The following DMD variants were observed in gnomAD, a reference collection of about 807,000 sequenced individuals.
DMD encodes mutant dystrophin.
DMD carries 63 observed loss-of-function variants against 330.1 expected under a neutral mutation model. That is an observed-to-expected ratio of 0.19 (90% confidence interval 0.16 to 0.24). The LOEUF is 0.24. DMD is among the 10% of genes least tolerant of loss of function. The pLI, the probability that DMD is intolerant of heterozygous loss-of-function variation, is 1.00. For synonymous variants in DMD, 1,223 were observed against 959.8 expected (o/e 1.27, Z -5.07); for missense variants, 3,344 against 2,684.1 (o/e 1.25, Z -5.43).
At chrX:32,649,558 TTA>T (rs1491423362) in intron 9 of DMD, among the ~76,000 whole-genome samples, 36 of 74,509 alleles carry the variant, frequency 4.8e-4, no homozygotes, top group African/African-American at 3.2e-3. Flanking sequence ...TCCGTCTCTT[TTA>T]AAAAAAAAAA....
intron 18 of DMD, among the ~76,000 whole-genome samples, chrX:32,511,028 C>A (rs185692639): frequency 2.1e-3 from 233 of 109,153 alleles, no homozygotes; most frequent in Middle Eastern, 4.7e-3. Context: ...TGTATATATA[C>A]CCCTTTCCCA....
chrX:31,180,587 C>T, intron 68 of DMD, 106 bp from the exon 69 acceptor site: 1 of 600,426 alleles, frequency 1.7e-6, no homozygotes, highest in Non-Finnish European at 2.8e-6. Flanking sequence ...AAACAGAAAG[C>T]AATGTTCATT....
intron 59 of DMD, among the ~76,000 whole-genome samples, chrX:31,460,874 G>A (rs111348751): frequency 0.013 from 1,481 of 111,609 alleles, 11 homozygotes; most frequent in East Asian, 0.043. Context: ...GAGCCACCAC[G>A]GCCGGCCATG....
intron 1 of DMD, among the ~76,000 whole-genome samples, chrX:33,177,685 C>T (rs2049750505): frequency 8.9e-6 from 1 of 112,130 alleles, no homozygotes; most frequent in Admixed American, 9.4e-5. Flanking sequence ...CGCGCCCGAC[C>T]TTATTTTATT....
At chrX:32,450,481 A>G (rs762709270) in intron 26 of DMD, among the ~76,000 whole-genome samples, 2 of 111,092 alleles carry the variant, frequency 1.8e-5, no homozygotes, top group East Asian at 5.7e-4. Context: ...TGACTTTAGT[A>G]ATTATAGTAT....
chrX:32,651,956 A>G (rs752702722), intron 9 of DMD, among the ~76,000 whole-genome samples: 13 of 111,700 alleles, frequency 1.2e-4, no homozygotes, highest in Non-Finnish European at 2.3e-4. Flanking sequence ...TTGATGTTAA[A>G]TGTCAGCAAA....
In DMD at chrX:33,075,012, G is replaced by A. The variant is rs191597269; in HGVS notation, c.32-54812C>T. On this transcript the variant is annotated intron_variant, in intron 1 of 78. Coordinates refer to ENST00000357033, the MANE Select transcript of DMD (RefSeq NM_004006.3). ...AGACCACCAGGCTAGGAGGATAGGGGAAACTAAATTCTGCTGCGGTGTAGA... is the reference window on the plus strand; with the variant it reads ...AGACCACCAGGCTAGGAGGATAGGGAAAACTAAATTCTGCTGCGGTGTAGA... Among the ~76,000 whole-genome samples the A allele has an allele frequency of 1.4e-3, 159 of 111,808 alleles. 1 individual carries two copies. Among genetic ancestry groups the A allele is most frequent in the African/African-American group, 5.2e-3 (159 of 30,790 alleles).
chrX:32,542,023 C>G (rs1480033712), intron 17 of DMD, among the ~76,000 whole-genome samples: 1 of 111,408 alleles, frequency 9.0e-6, no homozygotes, highest in Non-Finnish European at 1.9e-5. Flanking sequence ...GCGGAAATAG[C>G]TTTAGAGATA....
intron 47 of DMD, among the ~76,000 whole-genome samples, chrX:31,922,364 C>A (rs916108988): frequency 9.0e-6 from 1 of 111,421 alleles, no homozygotes; most frequent in African/African-American, 3.3e-5. Context: ...TTATCATAAA[C>A]AGGTGAAAGC....
chrX:31,444,369 CA>C, intron 60 of DMD, 111 bp downstream of exon 60: 2 of 878,184 alleles, frequency 2.3e-6, no homozygotes, highest in Non-Finnish European at 3.3e-6. Flanking sequence ...CCTATCCTCA[CA>C]AATATTACCA....
intron 45 of DMD, among the ~76,000 whole-genome samples, chrX:31,960,937 A>T (rs1333457251): frequency 8.9e-6 from 1 of 111,865 alleles, no homozygotes; most frequent in African/African-American, 3.3e-5. Context: ...CAATCTAAAA[A>T]TAGCTCTTTG....
At chrX:32,730,758 A>T (rs747253414) in intron 7 of DMD, among the ~76,000 whole-genome samples, 1 of 112,087 alleles carries the variant, frequency 8.9e-6, no homozygotes, top group African/African-American at 3.2e-5. Context: ...AAGAGTGTGG[A>T]GGCTATGTAT....
At position 32,446,614 on chromosome X, in the gene DMD, C is replaced by A. The variant is rs946387369; in HGVS notation, c.3786+1842G>T. Among the ~76,000 whole-genome samples, 3 of 109,654 alleles carry A rather than the reference C, an allele frequency of 2.7e-5. No individual in the cohort carries two copies. The East Asian group carries it at 8.5e-4, about 31-fold the overall frequency. ...ATCACAAAAACTGGGAAAATAGCAT[C>A]GGTAAATCTAAATAAATATTATATG... On this transcript the variant is annotated intron_variant, in intron 27 of 78. Coordinates refer to ENST00000357033, the MANE Select transcript of DMD (RefSeq NM_004006.3).
rs55781520 is a variant in DMD at position 31,295,597 on chromosome X, T to G, written c.9224+28001A>C. 3.5e-3 allele frequency among the ~76,000 whole-genome samples: 386 copies of G among 111,249 alleles called. 1 individual carries two copies. Among genetic ancestry groups the G allele is most frequent in the African/African-American group, 0.012 (362 of 30,608 alleles). ...GCCTGGCTAATGTTTGTATTTTTAG[T>G]AGAGATGGGGTTTCACCATGTTGGT... On this transcript the variant is annotated intron_variant, in intron 62 of 78. Transcript: ENST00000357033.
intron 1 of DMD, among the ~76,000 whole-genome samples, chrX:33,149,992 A>T (rs191145765): frequency 2.7e-5 from 3 of 112,036 alleles, no homozygotes; most frequent in African/African-American, 6.5e-5. Context: ...ATTCCTGCTC[A>T]TGTAATGATC....
chrX:33,096,263 C>T (rs766539073), intron 1 of DMD, among the ~76,000 whole-genome samples: 3 of 111,011 alleles, frequency 2.7e-5, no homozygotes, highest in South Asian at 3.7e-4. Flanking sequence ...CGTGAGCCAC[C>T]GCGCCCGGCC....
chrX:33,263,058 T>C (rs73459965), intron 1 of DMD, among the ~76,000 whole-genome samples: 3,133 of 110,599 alleles, frequency 0.028, 111 homozygotes, highest in African/African-American at 0.096. Flanking sequence ...GGGGGATGCA[T>C]ACACTACTGT....
At chrX:31,780,534 T>C (rs1289240158) in intron 50 of DMD, among the ~76,000 whole-genome samples, 1 of 112,011 alleles carries the variant, frequency 8.9e-6, no homozygotes, top group African/African-American at 3.2e-5. Flanking sequence ...AAAATAACTC[T>C]CCTCCATGTA....
rs189604681 is a variant in DMD at position 31,831,907 on chromosome X, C to T, written c.7200+4811G>A. 2.8e-4 allele frequency among the ~76,000 whole-genome samples: 32 copies of T among 112,807 alleles called. No individual in the cohort carries two copies. The East Asian group carries it at 8.1e-3, about 29-fold the overall frequency. ...GCGAGCCACCGCGCCCAGTCGCAAA[C>T]TTGTAATTTAAAAAAATAAAATGTT... On this transcript the variant is annotated intron_variant, in intron 49 of 78. Transcript: ENST00000357033.
Sources: allele counts gnomAD v4.1 joint callset (sites outside exome capture counted in the v4.1 genomes callset), GRCh38; gene constraint gnomAD v4.1.1; transcripts MANE v1.5; gene names NCBI Gene and HGNC (gene_info 2026-07-23, HGNC 2026-07-21).